Variants in MTUS2 observed in about 807,000 individuals in gnomAD.
MTUS2 encodes microtubule-associated tumor suppressor candidate 2.
Under a neutral mutation model 114.1 loss-of-function variants are expected in MTUS2, and 40 were observed. The observed-to-expected ratio is 0.35, with a 90% confidence interval of 0.27 to 0.46. The LOEUF is 0.46. MTUS2 is among the 20% of genes least tolerant of loss of function. The pLI is 1.00. For synonymous variants in MTUS2, 688 were observed against 672.0 expected (o/e 1.02, Z -0.37); for missense variants, 1,679 against 1,705.4 (o/e 0.98, Z 0.27).
Position 29,310,668 on chromosome 13 carries a change from A to G in MTUS2, c.2807-13945A>G, listed in dbSNP as rs75440429. 6.9e-3 allele frequency among the ~76,000 whole-genome samples: 1,051 copies of G among 152,360 alleles called. 6 individuals are homozygous for G. The highest frequency in any genetic ancestry group is 0.01 in the Non-Finnish European group (685 of 68,034). ...GTGCTGACCATCATCAGTAATCAGA[A>G]GAATGCAATTCAAATCACAGCGAGG... On this transcript the variant is annotated intron_variant, in intron 6 of 15. Transcript: ENST00000612955.
intron 2 of MTUS2, among the ~76,000 whole-genome samples, chr13:28,972,123 T>C (rs1391055815): frequency 6.6e-6 from 1 of 152,178 alleles, no homozygotes; most frequent in Non-Finnish European, 1.5e-5. Flanking sequence ...AGAAATATTT[T>C]GCGTAGATCA....
intron 7 of MTUS2, among the ~76,000 whole-genome samples, chr13:29,357,200 T>TGATGA (rs201516271): frequency 1.1e-4 from 12 of 109,880 alleles, no homozygotes; most frequent in Non-Finnish European, 2.6e-4. Flanking sequence ...GATGATGATA[T>TGATGA]TATTATTATT....
At chr13:29,201,325 A>G (rs777691766) in intron 5 of MTUS2, among the ~76,000 whole-genome samples, 2 of 149,066 alleles carry the variant, frequency 1.3e-5, no homozygotes, top group African/African-American at 2.4e-5. Flanking sequence ...TAGGCTAGGA[A>G]TGCAACCCCT....
chr13:29,327,643 C>T (rs1234177497), intron 7 of MTUS2, among the ~76,000 whole-genome samples: 1 of 151,936 alleles, frequency 6.6e-6, no homozygotes, highest in African/African-American at 2.4e-5. Context: ...TGGGGCTTTC[C>T]CCCCAGAACT....
At chr13:28,927,388 C>G (rs9551569) in intron 2 of MTUS2, among the ~76,000 whole-genome samples, 12,725 of 151,758 alleles carry the variant, frequency 0.084, 591 homozygotes, top group South Asian at 0.13. Context: ...TAGCAGGACC[C>G]TGTCTCTAAA....
intron 6 of MTUS2, among the ~76,000 whole-genome samples, chr13:29,297,558 A>T (rs556647425): frequency 5.9e-5 from 9 of 152,312 alleles, no homozygotes; most frequent in African/African-American, 2.2e-4. Flanking sequence ...TCTTACTTCG[A>T]TGGAAGCCAA....
intron 7 of MTUS2, among the ~76,000 whole-genome samples, chr13:29,358,880 G>A (rs187368151): frequency 3.4e-5 from 5 of 146,392 alleles, no homozygotes; most frequent in Admixed American, 2.8e-4. Context: ...GTTGCTAGAC[G>A]ATTATAAGTC....
At chr13:29,111,170 T>C (rs1468387388) in intron 5 of MTUS2, among the ~76,000 whole-genome samples, 1 of 152,192 alleles carries the variant, frequency 6.6e-6, no homozygotes, top group Non-Finnish European at 1.5e-5. Context: ...TAATGGTGAA[T>C]AAAGTAGTTT....
chr13:29,470,362 T>C (rs1204267649), intron 9 of MTUS2, among the ~76,000 whole-genome samples: 1 of 152,152 alleles, frequency 6.6e-6, no homozygotes, highest in Admixed American at 6.5e-5. Context: ...CTGAGGATTG[T>C]GACCCAGAGG....
At chr13:28,869,703 G>A (rs1206610518) in intron 2 of MTUS2, among the ~76,000 whole-genome samples, 1 of 152,174 alleles carries the variant, frequency 6.6e-6, no homozygotes, top group African/African-American at 2.4e-5. Context: ...CCTGGAAGGT[G>A]GAGGTTGCAC....
chr13:29,270,193 G>T (rs1304034296), intron 5 of MTUS2, among the ~76,000 whole-genome samples: 1 of 152,140 alleles, frequency 6.6e-6, no homozygotes, highest in Non-Finnish European at 1.5e-5. Flanking sequence ...AAGAGGGCAG[G>T]TCTGTTATTA....
chr13:29,490,414 A>C (rs1163379261), intron 11 of MTUS2, among the ~76,000 whole-genome samples: 1 of 152,224 alleles, frequency 6.6e-6, no homozygotes, highest in East Asian at 1.9e-4. Flanking sequence ...CTTCCCTCTC[A>C]TTATAACATG....
At chr13:28,901,967 A>G (rs563072935) in intron 2 of MTUS2, among the ~76,000 whole-genome samples, 1 of 152,310 alleles carries the variant, frequency 6.6e-6, no homozygotes, top group East Asian at 1.9e-4. Context: ...TGAATCTTCT[A>G]TGAAAACAAT....
At chr13:29,365,436 C>T (rs1593354170) in intron 8 of MTUS2, among the ~76,000 whole-genome samples, 1 of 151,946 alleles carries the variant, frequency 6.6e-6, no homozygotes. Flanking sequence ...GATACCTGAC[C>T]AAGGTGAAAA....
At chr13:28,966,911 A>T (rs2138236912) in intron 2 of MTUS2, among the ~76,000 whole-genome samples, 1 of 152,286 alleles carries the variant, frequency 6.6e-6, no homozygotes, top group East Asian at 1.9e-4. Flanking sequence ...CCTCAGAGGA[A>T]ATTTGTACAA....
intron 2 of MTUS2, among the ~76,000 whole-genome samples, chr13:28,934,836 A>G (rs1346735619): frequency 2.6e-5 from 4 of 152,160 alleles, no homozygotes; most frequent in African/African-American, 9.7e-5. Context: ...ACTTATATAC[A>G]CTAAGCATAC....
chr13:29,038,092 A>T (rs226905), intron 4 of MTUS2, among the ~76,000 whole-genome samples: 1 of 152,132 alleles, frequency 6.6e-6, no homozygotes, highest in Non-Finnish European at 1.5e-5. Context: ...GACAAGAGGC[A>T]TTCTGGTGTT....
chr13:29,144,397 T>C (rs1352997922), intron 5 of MTUS2, among the ~76,000 whole-genome samples: 1 of 151,642 alleles, frequency 6.6e-6, no homozygotes, highest in Non-Finnish European at 1.5e-5. Flanking sequence ...GGGGTGTTGC[T>C]CTGTCTCTTA....
intron 11 of MTUS2, 81 bp downstream of exon 11, chr13:29,488,086 C>A (rs369528689): frequency 1.9e-6 from 2 of 1,075,100 alleles, no homozygotes; most frequent in Admixed American, 1.8e-5. Flanking sequence ...GTGGAGCCCC[C>A]CTTCCTCTCT....
Sources: allele counts gnomAD v4.1 joint callset (sites outside exome capture counted in the v4.1 genomes callset), GRCh38; gene constraint gnomAD v4.1.1; transcripts MANE v1.5; gene names NCBI Gene and HGNC (gene_info 2026-07-23, HGNC 2026-07-21).